Variants in SRBD1 observed in about 807,000 individuals in gnomAD.
SRBD1 encodes S1 RNA-binding domain-containing protein 1.
SRBD1 carries 88 observed loss-of-function variants against 115.3 expected under a neutral mutation model. The ratio of observed to expected loss-of-function variants is 0.76; its 90% confidence interval spans 0.64 to 0.91. SRBD1 has a LOEUF of 0.91. Ranked by LOEUF, SRBD1 falls within the 40% of genes least tolerant of loss-of-function variation. The pLI is 0.00. For synonymous variants in SRBD1, 509 were observed against 407.7 expected, an observed-to-expected ratio of 1.25 and a Z score of -2.99; for missense variants, 1,385 against 1,177.4, an observed-to-expected ratio of 1.18 and a Z score of -2.58.
At chr2:45,563,413 C>A (rs1208282532) in intron 9 of SRBD1, among the ~76,000 whole-genome samples, 1 of 151,400 alleles carries the variant, frequency 6.6e-6, no homozygotes, top group East Asian at 1.9e-4. Context: ...AAAAACACTC[C>A]TTAAAGTATA....
chr2:45,526,738 C>T (rs34261408), intron 14 of SRBD1, among the ~76,000 whole-genome samples: 97,701 of 151,490 alleles, frequency 0.64, 32,027 homozygotes, highest in Non-Finnish European at 0.71. Context: ...ATGTAATGCA[C>T]CACTGAAAAT....
chr2:45,534,087 A>C (rs1671692713), intron 14 of SRBD1, among the ~76,000 whole-genome samples: 1 of 152,026 alleles, frequency 6.6e-6, no homozygotes, highest in African/African-American at 2.4e-5. Flanking sequence ...ATGGGTTACA[A>C]AACTGGTAAA....
chr2:45,582,579 A>G lies in SRBD1; in HGVS notation c.816-769T>C, dbSNP rs1298438602. On this transcript the variant is annotated intron_variant, in intron 5 of 20. Transcript: ENST00000263736. ...CACTGATTTATTTATATCACTATAG[A>G]TTTAATGGTTTTTTATTTTACTTAG... Among the ~76,000 whole-genome samples, 4 of 152,068 alleles carry G rather than the reference A, an allele frequency of 2.6e-5. No individual in the cohort carries two copies. In the East Asian group the frequency reaches 7.7e-4, roughly 29 times the overall value.
intron 16 of SRBD1, among the ~76,000 whole-genome samples, chr2:45,463,873 A>G (rs1669400728): frequency 6.6e-6 from 1 of 152,210 alleles, no homozygotes; most frequent in South Asian, 2.1e-4. Flanking sequence ...TCTGTATCAA[A>G]CAAAGATAAA....
intron 16 of SRBD1, among the ~76,000 whole-genome samples, chr2:45,462,384 C>T (rs1558411233): frequency 6.6e-6 from 1 of 152,142 alleles, no homozygotes; most frequent in Non-Finnish European, 1.5e-5. Flanking sequence ...TTTGCAAGTT[C>T]CCTTCCAACA....
At chr2:45,414,268 G>T (rs1667694293) in intron 18 of SRBD1, among the ~76,000 whole-genome samples, 1 of 152,052 alleles carries the variant, frequency 6.6e-6, no homozygotes, top group Non-Finnish European at 1.5e-5. Context: ...AGCTCTAAAA[G>T]AATTTCTTAA....
intron 12 of SRBD1, among the ~76,000 whole-genome samples, chr2:45,550,811 C>T: frequency 6.6e-6 from 1 of 152,046 alleles, no homozygotes; most frequent in East Asian, 1.9e-4. Flanking sequence ...AATTAAAATG[C>T]ATCATATATA....
chr2:45,485,097 T>G (rs1253354649), intron 15 of SRBD1, among the ~76,000 whole-genome samples: 1 of 152,220 alleles, frequency 6.6e-6, no homozygotes, highest in Non-Finnish European at 1.5e-5. Context: ...GAGACATGCC[T>G]AGGAGTGAAA....
intron 20 of SRBD1, among the ~76,000 whole-genome samples, chr2:45,392,477 A>G (rs1667030649): frequency 6.6e-6 from 1 of 152,230 alleles, no homozygotes. Context: ...ACTTTTAATT[A>G]GAAGGAAAAT....
chr2:45,499,964 C>CAAAACG (rs1270936808), intron 14 of SRBD1, among the ~76,000 whole-genome samples: 1 of 152,100 alleles, frequency 6.6e-6, no homozygotes, highest in Non-Finnish European at 1.5e-5. Flanking sequence ...CTAAGGATTG[C>CAAAACG]ATTAGCTATT....
chr2:45,490,735 G>C (rs1003190003), intron 14 of SRBD1, among the ~76,000 whole-genome samples: 2 of 152,072 alleles, frequency 1.3e-5, no homozygotes, highest in Non-Finnish European at 2.9e-5. Context: ...TCAATAGACT[G>C]AGGGAAACTA....
Position 45,574,737 on chromosome 2 carries a change from G to A in SRBD1, c.1073-14C>T. The stretch of plus-strand genomic sequence containing the variant: ...GCGTTGAAAGCCCTTTAGGAGAAGG[G>A]TAAAAAGGAAAACAAAAACAAAAAG... On this transcript the variant is annotated splice_polypyrimidine_tract_variant and intron_variant, in intron 7 of 20. Coordinates refer to ENST00000263736, the MANE Select transcript of SRBD1 (RefSeq NM_018079.5). 6.3e-7 allele frequency: 1 copy of A among 1,588,972 alleles called. No individual in the cohort carries two copies. The highest frequency in any genetic ancestry group is 2.2e-5 in the East Asian group (1 of 44,730).
intron 16 of SRBD1, among the ~76,000 whole-genome samples, chr2:45,458,565 T>C (rs1669220488): frequency 6.6e-6 from 1 of 152,116 alleles, no homozygotes; most frequent in South Asian, 2.1e-4. Flanking sequence ...ATTAGAACAG[T>C]GTTTTAAGAA....
At chr2:45,394,346 T>C (rs1449216156) in intron 19 of SRBD1, among the ~76,000 whole-genome samples, 1 of 152,232 alleles carries the variant, frequency 6.6e-6, no homozygotes, top group Non-Finnish European at 1.5e-5. Context: ...GCTTACTTTC[T>C]TGACATTCCT....
intron 10 of SRBD1, among the ~76,000 whole-genome samples, chr2:45,555,416 A>C (rs1470474592): frequency 1.3e-5 from 2 of 151,888 alleles, no homozygotes; most frequent in African/African-American, 4.8e-5. Context: ...AACCCAGCCC[A>C]GAATTTTTTG....
intron 8 of SRBD1, among the ~76,000 whole-genome samples, chr2:45,574,207 T>C (rs754825285): frequency 2.0e-5 from 3 of 152,172 alleles, no homozygotes; most frequent in African/African-American, 7.2e-5. Context: ...TATCTGATAT[T>C]ACACATTCTC....
intron 1 of SRBD1, among the ~76,000 whole-genome samples, chr2:45,608,344 C>T (rs1280513889): frequency 1.3e-5 from 2 of 152,106 alleles, no homozygotes; most frequent in Non-Finnish European, 2.9e-5. Flanking sequence ...AACACACAAG[C>T]CAATTTCAAG....
At chr2:45,445,362 T>C (rs1424844969) in intron 16 of SRBD1, among the ~76,000 whole-genome samples, 1 of 151,916 alleles carries the variant, frequency 6.6e-6, no homozygotes, top group Non-Finnish European at 1.5e-5. Flanking sequence ...AGTGACAAAT[T>C]TGTGGCATTT....
At chr2:45,504,081 C>G (rs145381583) in intron 14 of SRBD1, among the ~76,000 whole-genome samples, 45 of 152,206 alleles carry the variant, frequency 3.0e-4, no homozygotes, top group African/African-American at 1.0e-3. Context: ...ATTCATGGAT[C>G]TTATTGATAA....
Sources: gnomAD v4.1 joint callset for allele counts (sites outside exome capture counted in the v4.1 genomes callset) on GRCh38, gnomAD v4.1.1 for gene constraint, MANE v1.5 for transcripts, NCBI Gene and HGNC (gene_info 2026-07-23, HGNC 2026-07-21) for gene names.